GPATCH2L: variants seen among roughly 807,000 people sequenced by gnomAD.
GPATCH2L encodes G patch domain-containing protein 2-like.
GPATCH2L carries 31 observed loss-of-function variants against 57.4 expected under a neutral mutation model. The ratio of observed to expected loss-of-function variants is 0.54; its 90% CI spans 0.41 to 0.73. The LOEUF (loss-of-function observed/expected upper bound fraction) is 0.73. Among genes scored for constraint, GPATCH2L ranks in the 30% least tolerant of loss-of-function variants. The pLI, the probability that GPATCH2L is intolerant of heterozygous loss-of-function variation, is 0.00. For synonymous variants in GPATCH2L, 199 were observed against 210.7 expected, an observed-to-expected ratio of 0.94 and a Z score of 0.48; for missense variants, 481 against 599.9, an observed-to-expected ratio of 0.80 and a Z score of 2.07.
intron 2 of GPATCH2L, among the ~76,000 whole-genome samples, chr14:76,160,850 G>T (rs1439773342): frequency 2.0e-5 from 3 of 152,104 alleles, no homozygotes; most frequent in Non-Finnish European, 4.4e-5. Context: ...TGAAAGGATG[G>T]GTGGACTTCT....
At chr14:76,197,649 G>A (rs571215325) in intron 9 of GPATCH2L, among the ~76,000 whole-genome samples, 3 of 152,200 alleles carry the variant, frequency 2.0e-5, no homozygotes, top group East Asian at 1.9e-4. Context: ...GGGCCATCTC[G>A]GATTCCACCT....
Position 76,173,630 on chromosome 14 carries a change from T to C in GPATCH2L, c.984+5T>C. 6.4e-7 allele frequency: 1 copy of C among 1,564,690 alleles called. No homozygotes were observed. Among genetic ancestry groups the C allele is most frequent in the Non-Finnish European group, 8.8e-7 (1 of 1,134,784 alleles). Reference sequence around the variant, plus strand: ...CGAAGAAGGCTGGTTGGGAAGGTGATACCTCTCACAGTTAGCTTGGCTCAG... The same window carrying C: ...CGAAGAAGGCTGGTTGGGAAGGTGACACCTCTCACAGTTAGCTTGGCTCAG... On this transcript the variant is annotated splice_donor_5th_base_variant and intron_variant, in intron 5 of 9. Coordinates refer to ENST00000261530, the MANE Select transcript of GPATCH2L (RefSeq NM_017926.4).
chr14:76,152,560 C>A, intron 1 of GPATCH2L: 1 of 431,152 alleles, frequency 2.3e-6, no homozygotes, highest in South Asian at 1.6e-5. Flanking sequence ...CTGTGCGTGA[C>A]TCAGCCTCAT....
rs147023800 is a variant in GPATCH2L at position 76,203,550 on chromosome 14, G to C, written c.*1699G>C. The C allele has an allele frequency of 6.6e-6, 1 of 152,602 alleles. No homozygotes were observed. The highest frequency in any genetic ancestry group is 1.5e-5 in the Non-Finnish European group (1 of 68,296). The allele number at this position is 152,602 out of a possible 1,614,324, so 9.5% of individuals were successfully genotyped here. A position where few individuals can be genotyped will look rare whatever the true frequency, so the allele number is the denominator to read the frequency against. ...CTGGTTCTCATGCAGCAGTGTGTGT[G>C]CTTACAGGAGTGGAGATGATGGGAT... On this transcript the variant is annotated 3_prime_UTR_variant, in exon 10 of 10. Transcript: ENST00000261530.
At chr14:76,179,768 G>A (rs2039484501) in intron 7 of GPATCH2L, 1 of 152,200 alleles carries the variant, frequency 6.6e-6, no homozygotes, top group Non-Finnish European at 1.5e-5. Flanking sequence ...CAAACATAAA[G>A]TGAGGGATCT....
intron 5 of GPATCH2L, chr14:76,176,382 T>A (rs2039329640): frequency 1.8e-6 from 1 of 549,370 alleles, no homozygotes; most frequent in African/African-American, 1.9e-5. Flanking sequence ...GAACAGTGTC[T>A]ATGATGTATT....
chr14:76,167,798 C>T (rs2038913071), intron 3 of GPATCH2L, among the ~76,000 whole-genome samples: 1 of 152,062 alleles, frequency 6.6e-6, no homozygotes, highest in African/African-American at 2.4e-5. Context: ...TTTTATTATA[C>T]CAGGAAAGTC....
At chr14:76,171,657 G>A (rs2039089662) in intron 3 of GPATCH2L, among the ~76,000 whole-genome samples, 186 bp from the exon 4 acceptor site, 1 of 151,982 alleles carries the variant, frequency 6.6e-6, no homozygotes, top group East Asian at 1.9e-4. Context: ...TGAGATGGGA[G>A]GATTGCCTGA....
Position 76,154,284 on chromosome 14 carries a change from A to G in GPATCH2L, c.-10-70A>G. 1 of 1,295,028 alleles carries G rather than the reference A, an allele frequency of 7.7e-7. No homozygotes were observed. Among genetic ancestry groups the G allele is most frequent in the Middle Eastern group, 2.2e-4 (1 of 4,620 alleles). The allele number at this position is 1,295,028 out of a possible 1,614,324, so 80.2% of individuals were successfully genotyped here. A position where few individuals can be genotyped will look rare whatever the true frequency, so the allele number is the denominator to read the frequency against. Reference sequence around the variant, plus strand: ...TCATCAAATTATTCCAAAACAACAGATCCTTTTTCAGGCTTTCTTTTTCTT... The same window carrying G: ...TCATCAAATTATTCCAAAACAACAGGTCCTTTTTCAGGCTTTCTTTTTCTT... On this transcript the variant is annotated intron_variant, in intron 1 of 9. Coordinates refer to ENST00000261530, the MANE Select transcript of GPATCH2L (RefSeq NM_017926.4). This position sits in a 1 kb window ranked among gnomAD's most constrained non-coding sequence, Gnocchi z 4.4.
chr14:76,159,858 C>G (rs1341901032), intron 2 of GPATCH2L, among the ~76,000 whole-genome samples: 2 of 152,184 alleles, frequency 1.3e-5, no homozygotes, highest in African/African-American at 4.8e-5. Flanking sequence ...TCAGGCCGGG[C>G]GTGGTGGCTC....
At chr14:76,184,362 C>A (rs2039691060) in intron 8 of GPATCH2L, among the ~76,000 whole-genome samples, 1 of 152,200 alleles carries the variant, frequency 6.6e-6, no homozygotes, top group South Asian at 2.1e-4. Context: ...AAGGTTCCCT[C>A]CTGTCAGGTT....
At position 76,161,660 on chromosome 14, in the gene GPATCH2L, T is replaced by G. The variant is rs528108090; in HGVS notation, c.663-5003T>G. On this transcript the variant is annotated intron_variant, in intron 2 of 9. Transcript: ENST00000261530. The stretch of plus-strand genomic sequence containing the variant: ...TTTGTTGAAACTAGAAGCTACTGTT[T>G]AGGAAGAAGGGAATTAATTTCAACA... Among the ~76,000 whole-genome samples the G allele has an allele frequency of 3.9e-5, 6 of 152,314 alleles. No homozygotes were observed. In the South Asian group the frequency reaches 1.2e-3, roughly 32 times the overall value.
chr14:76,206,268 A>G lies in GPATCH2L; in HGVS notation c.*4417A>G, dbSNP rs2040374689. 6.6e-6 allele frequency: 1 copy of G among 152,242 alleles called. No individual in the cohort carries two copies. Among genetic ancestry groups the G allele is most frequent in the African/African-American group, 2.4e-5 (1 of 41,446 alleles). The allele number at this position is 152,242 out of a possible 1,614,324, so 9.4% of individuals were successfully genotyped here. A position where few individuals can be genotyped will look rare whatever the true frequency, so the allele number is the denominator to read the frequency against. ...GAAAATGGTGAGTTCCATCACTCAG[A>G]ACTAAATGCAAGTGGTAGAGAGATG... On this transcript the variant is annotated 3_prime_UTR_variant, in exon 10 of 10. Transcript: ENST00000261530.
intron 2 of GPATCH2L, 101 bp from the exon 3 acceptor site, chr14:76,166,562 G>A: frequency 2.9e-6 from 2 of 690,824 alleles, no homozygotes; most frequent in Admixed American, 2.1e-5. Flanking sequence ...TGACTAACAG[G>A]TTGGAGTGAA....
intron 2 of GPATCH2L, among the ~76,000 whole-genome samples, chr14:76,158,644 T>C (rs985912153): frequency 6.6e-6 from 1 of 152,236 alleles, no homozygotes; most frequent in South Asian, 2.1e-4. Flanking sequence ...CAGGGTTTCC[T>C]GGAGCTGTGT....
chr14:76,196,389 G>A (rs969512072), intron 9 of GPATCH2L: 8 of 290,926 alleles, frequency 2.7e-5, no homozygotes, highest in African/African-American at 1.8e-4. Context: ...TATTTTACTG[G>A]TCATGACATT....
At chr14:76,216,820 G>A (rs570564342), downstream of GPATCH2L, among the ~76,000 whole-genome samples, 8 of 152,136 alleles carry the variant, frequency 5.3e-5, no homozygotes, top group Non-Finnish European at 1.2e-4. Flanking sequence ...TGTGGTATAG[G>A]TGCATGCATA....
chr14:76,212,065 GAA>G lies in GPATCH2L; in HGVS notation c.*10216_*10217del, dbSNP rs2040446315. On this transcript the variant is annotated 3_prime_UTR_variant, in exon 10 of 10. Transcript: ENST00000261530. ...AGAGAATTAAGGTATATTGACTAGT[GAA>G]ATAGAGGATTATGGGGATCATATGA... 6.6e-6 allele frequency: 1 copy of G among 152,044 alleles called. No individual in the cohort carries two copies. The highest frequency in any genetic ancestry group is 1.5e-5 in the Non-Finnish European group (1 of 68,016). 9.4% of individuals were successfully genotyped at this position (152,044 alleles called of 1,614,324 possible). A position where few individuals can be genotyped will look rare whatever the true frequency, so the allele number is the denominator to read the frequency against.
intron 1 of GPATCH2L, among the ~76,000 whole-genome samples, chr14:76,153,275 C>CCT (rs1435550171): frequency 6.6e-6 from 1 of 152,186 alleles, no homozygotes; most frequent in Non-Finnish European, 1.5e-5. Context: ...ATACTTTGGG[C>CCT]ATAGAGGCAA....
Sources: gnomAD v4.1 joint callset for allele counts (sites outside exome capture counted in the v4.1 genomes callset) on GRCh38, gnomAD v4.1.1 for gene constraint, Gnocchi (gnomAD v3.1) non-coding constraint, MANE v1.5 for transcripts, NCBI Gene and HGNC (gene_info 2026-07-23, HGNC 2026-07-21) for gene names.